PNOC: variants seen among roughly 807,000 people sequenced by gnomAD.
PNOC encodes prepronociceptin.
A neutral mutation model predicts 15.6 loss-of-function variants in PNOC; 10 were observed. That is an observed-to-expected ratio of 0.64 (90% CI 0.40 to 1.09). The LOEUF (loss-of-function observed/expected upper bound fraction) is 1.09. PNOC is among the 50% of genes least tolerant of loss of function. The probability of loss-of-function intolerance (pLI) is 0.01; values close to 1 mark genes in which losing one functional copy is unlikely to be tolerated. For synonymous variants in PNOC, 98 were observed against 88.5 expected (o/e 1.11, Z -0.60); for missense variants, 220 against 223.9 (o/e 0.98, Z 0.11).
chr8:28,330,391 A>ATTTTAT (rs1801303976), intron 2 of PNOC, among the ~76,000 whole-genome samples: 1 of 76,082 alleles, frequency 1.3e-5, no homozygotes, highest in East Asian at 2.9e-4. Flanking sequence ...ATTTTATTTT[A>ATTTTAT]TTTTATTTTT....
intron 1 of PNOC, among the ~76,000 whole-genome samples, chr8:28,325,853 G>A (rs1801217224): frequency 6.6e-6 from 1 of 151,964 alleles, no homozygotes; most frequent in Non-Finnish European, 1.5e-5. Flanking sequence ...AATATAAGGT[G>A]ACATCATCAG....
intron 1 of PNOC, among the ~76,000 whole-genome samples, chr8:28,322,115 C>G (rs551980801): frequency 6.6e-6 from 1 of 152,232 alleles, no homozygotes; most frequent in South Asian, 2.1e-4. Flanking sequence ...AGCCCCGGCA[C>G]AGTGGCTCAT....
At chr8:28,325,826 G>T (rs971388358) in intron 1 of PNOC, among the ~76,000 whole-genome samples, 4 of 152,092 alleles carry the variant, frequency 2.6e-5, no homozygotes, top group Admixed American at 1.3e-4. Flanking sequence ...CAGCAACAAG[G>T]TTATAAAATT....
chr8:28,339,317 G>C lies in PNOC; in HGVS notation c.404G>C (p.Gly135Ala). 1 of 1,612,036 alleles carries C rather than the reference G, an allele frequency of 6.2e-7. No homozygotes were observed. The highest frequency in any genetic ancestry group is 8.5e-7 in the Non-Finnish European group (1 of 1,178,436). ...CAGAAGAGATTTGGGGGCTTCACCG[G>C]GGCCCGGAAGTCGGCCAGGAAGTTG... Reference protein sequence around the residue: ...QLQKRFGGFTGARKSARKLAN... With the variant: ...QLQKRFGGFTAARKSARKLAN... Residue 135 changes from glycine (G) to alanine (A), a missense_variant, in exon 3 of 4, where the codon GGG (glycine) becomes GCG (alanine). Gly to Ala is a moderately conservative substitution (Grantham distance 60). Transcript: ENST00000301908.
At chr8:28,330,400 T>TATTTTTTTTTTTTTTTTTTTTTA (rs1431540071) in intron 2 of PNOC, among the ~76,000 whole-genome samples, 6 of 102,228 alleles carry the variant, frequency 5.9e-5, no homozygotes, top group Non-Finnish European at 1.2e-4. Context: ...TATTTTATTT[T>TATTTTTTTTTTTTTTTTTTTTTA]TTTTTTTTTT....
intron 3 of PNOC, 26 bp from the exon 4 acceptor site, chr8:28,342,916 T>A: frequency 1.0e-6 from 1 of 960,060 alleles, no homozygotes. Context: ...AGGTTTGCCA[T>A]TTTTTAACCA....
chr8:28,340,173 T>C (rs1035706645), intron 3 of PNOC: 2 of 152,250 alleles, frequency 1.3e-5, no homozygotes, highest in African/African-American at 2.4e-5. Context: ...TTTGGTCCAA[T>C]GGACCTAGTA....
At chr8:28,325,822 C>G (rs1287062839) in intron 1 of PNOC, among the ~76,000 whole-genome samples, 1 of 151,894 alleles carries the variant, frequency 6.6e-6, no homozygotes, top group Admixed American at 6.6e-5. Context: ...CTGACAGCAA[C>G]AAGGTTATAA....
chr8:28,317,103 T>A (rs1177278615), upstream of PNOC: 1 of 152,370 alleles, frequency 6.6e-6, no homozygotes, highest in Non-Finnish European at 1.5e-5. Flanking sequence ...ATGTCACAGG[T>A]CTGATGGCAG....
chr8:28,337,444 C>A lies in PNOC; in HGVS notation c.127-1596C>A, dbSNP rs148932447. ...CCTCCCCAGTAGCTGGGATTACAGG[C>A]AGCCATCACCACACCCGTCTAATTT... On this transcript the variant is annotated intron_variant, in intron 2 of 3. Transcript: ENST00000301908. Among the ~76,000 whole-genome samples, 397 of 152,294 alleles carry A rather than the reference C, an allele frequency of 2.6e-3. 1 individual carries two copies. Among genetic ancestry groups the A allele is most frequent in the African/African-American group, 9.0e-3 (372 of 41,556 alleles).
rs527505015 is a variant in PNOC at position 28,320,658 on chromosome 8, G to A, written c.-24+3342G>A. Among the ~76,000 whole-genome samples the A allele has an allele frequency of 1.3e-3, 192 of 152,012 alleles. 2 individuals carry two copies. Among genetic ancestry groups the A allele is most frequent in the African/African-American group, 4.5e-3 (185 of 41,470 alleles). On this transcript the variant is annotated intron_variant, in intron 1 of 3. Coordinates refer to ENST00000301908, the MANE Select transcript of PNOC (RefSeq NM_006228.5). The stretch of plus-strand genomic sequence containing the variant: ...AAGGTCAGGAGATCAAGACCATCCC[G>A]GCTAACACGGTGAAACCCCGTCTCT...
At position 28,334,350 on chromosome 8, in the gene PNOC, C is replaced by T. The variant is rs539692233; in HGVS notation, c.127-4690C>T. 7.9e-5 allele frequency among the ~76,000 whole-genome samples: 12 copies of T among 152,284 alleles called. No homozygotes were observed. In the East Asian group the frequency reaches 2.1e-3, roughly 27 times the overall value. ...GGCTTCTTCCTCCTCAGAGCAAGTT[C>T]CAAAACAGGATTTCTCCAGGTATCA... On this transcript the variant is annotated intron_variant, in intron 2 of 3. Transcript: ENST00000301908.
At chr8:28,328,223 A>G (rs1267909152) in intron 1 of PNOC, among the ~76,000 whole-genome samples, 1 of 151,608 alleles carries the variant, frequency 6.6e-6, no homozygotes, top group Non-Finnish European at 1.5e-5. Flanking sequence ...GTGTACCACC[A>G]CACCCGGATA....
At chr8:28,342,299 G>A (rs1276256717) in intron 3 of PNOC, among the ~76,000 whole-genome samples, 1 of 147,890 alleles carries the variant, frequency 6.8e-6, no homozygotes, top group Admixed American at 6.8e-5. Context: ...GTTGCAGTGA[G>A]CCGAGATTGT....
Position 28,322,208 on chromosome 8 carries a change from G to A in PNOC, c.-24+4892G>A, listed in dbSNP as rs1179224438. Among the ~76,000 whole-genome samples the A allele has an allele frequency of 2.6e-5, 4 of 152,026 alleles. No homozygotes were observed. The East Asian group carries it at 7.7e-4, about 29-fold the overall frequency. The stretch of plus-strand genomic sequence containing the variant: ...GTTTGAGACCAGACTGACCAACGTG[G>A]TGAAACCCCGTCTCTACTAAAAATA... On this transcript the variant is annotated intron_variant, in intron 1 of 3. Coordinates refer to ENST00000301908, the MANE Select transcript of PNOC (RefSeq NM_006228.5).
intron 2 of PNOC, among the ~76,000 whole-genome samples, chr8:28,334,499 G>GC (rs1213077029): frequency 5.3e-5 from 8 of 152,030 alleles, no homozygotes; most frequent in Admixed American, 1.3e-4. Context: ...AACTCCAGTA[G>GC]CATTTTTTTT....
chr8:28,331,839 T>C (rs568727838), intron 2 of PNOC, among the ~76,000 whole-genome samples: 1 of 152,340 alleles, frequency 6.6e-6, no homozygotes, highest in East Asian at 1.9e-4. Flanking sequence ...GAGCTTTCTT[T>C]ACTGATGGAT....
chr8:28,322,500 C>A (rs1050998889), intron 1 of PNOC, among the ~76,000 whole-genome samples: 3 of 152,228 alleles, frequency 2.0e-5, no homozygotes, highest in Admixed American at 1.3e-4. Context: ...GGATCACTGA[C>A]AGGCAGGGTC....
At chr8:28,320,789 T>A (rs1047148350) in intron 1 of PNOC, among the ~76,000 whole-genome samples, 4 of 139,796 alleles carry the variant, frequency 2.9e-5, no homozygotes, top group African/African-American at 1.1e-4. Context: ...AGGTGGAGGT[T>A]GCGGTGAGCC....
Sources: gnomAD v4.1 joint callset for allele counts (sites outside exome capture counted in the v4.1 genomes callset) on GRCh38, gnomAD v4.1.1 for gene constraint, MANE v1.5 for transcripts, NCBI Gene and HGNC (gene_info 2026-07-23, HGNC 2026-07-21) for gene names.